The following MPP7 variants were observed in gnomAD, a reference collection of about 807,000 sequenced individuals.
MPP7 encodes MAGUK p55 subfamily member 7.
A neutral mutation model predicts 76.5 loss-of-function variants in MPP7; 60 were observed. The ratio of observed to expected loss-of-function variants is 0.78; its 90% CI spans 0.64 to 0.97. The LOEUF is 0.97. Among genes scored for constraint, MPP7 ranks in the 50% least tolerant of loss-of-function variants. MPP7 has a pLI of 0.00. For synonymous variants in MPP7, 237 were observed against 244.5 expected (o/e 0.97, Z 0.29); for missense variants, 641 against 694.0 (o/e 0.92, Z 0.86).
At chr10:28,125,651 G>C (rs1352900780) in intron 6 of MPP7, among the ~76,000 whole-genome samples, 9 of 151,894 alleles carry the variant, frequency 5.9e-5, no homozygotes, top group African/African-American at 2.2e-4. Context: ...TAAAGAAAAA[G>C]AAAAAAGTTA....
At chr10:28,171,579 C>A (rs1836682073) in intron 3 of MPP7, among the ~76,000 whole-genome samples, 1 of 152,150 alleles carries the variant, frequency 6.6e-6, no homozygotes, top group Non-Finnish European at 1.5e-5. Flanking sequence ...GCTGAGTCTT[C>A]TCTACACATT....
chr10:28,305,334 C>CA (rs1841246662), upstream of MPP7: 1 of 152,080 alleles, frequency 6.6e-6, no homozygotes, highest in African/African-American at 2.4e-5. Flanking sequence ...ACAAGGATTC[C>CA]TGACGGGCAA....
chr10:28,153,138 T>C (rs1325776076), intron 3 of MPP7, among the ~76,000 whole-genome samples: 2 of 151,876 alleles, frequency 1.3e-5, no homozygotes, highest in Non-Finnish European at 2.9e-5. Context: ...CCTATAGTCC[T>C]AGCTACTCGG....
chr10:28,190,102 G>T (rs1311284940), intron 3 of MPP7, among the ~76,000 whole-genome samples: 1 of 151,990 alleles, frequency 6.6e-6, no homozygotes. Context: ...AATGAAAAGG[G>T]CATCAATTCC....
At chr10:28,153,748 A>T (rs1003213965) in intron 3 of MPP7, among the ~76,000 whole-genome samples, 1 of 152,146 alleles carries the variant, frequency 6.6e-6, no homozygotes, top group African/African-American at 2.4e-5. Flanking sequence ...GTACCCCCCA[A>T]TGCAGTCATG....
intron 1 of MPP7, among the ~76,000 whole-genome samples, chr10:28,253,161 T>C (rs1200078503): frequency 6.6e-6 from 1 of 152,180 alleles, no homozygotes; most frequent in East Asian, 1.9e-4. Flanking sequence ...CCTCCTCGGC[T>C]TCCCAAAGTG....
intron 2 of MPP7, among the ~76,000 whole-genome samples, chr10:28,231,339 T>C (rs901074015): frequency 6.6e-6 from 1 of 151,568 alleles, no homozygotes; most frequent in African/African-American, 2.4e-5. Context: ...ATGTGAACAT[T>C]AGGAAAAGGG....
intron 5 of MPP7, among the ~76,000 whole-genome samples, chr10:28,135,610 C>T (rs1396168457): frequency 6.6e-6 from 1 of 152,108 alleles, no homozygotes; most frequent in African/African-American, 2.4e-5. Context: ...AAGGAATAAT[C>T]CCTGAAGTTT....
At chr10:28,237,360 G>C (rs73608079) in intron 2 of MPP7, among the ~76,000 whole-genome samples, 3,154 of 152,176 alleles carry the variant, frequency 0.021, 116 homozygotes, top group African/African-American at 0.069. Flanking sequence ...AATTTCCAAA[G>C]GGTCTGGCTT....
At chr10:28,164,815 G>A (rs1013745748) in intron 3 of MPP7, among the ~76,000 whole-genome samples, 1 of 152,058 alleles carries the variant, frequency 6.6e-6, no homozygotes, top group African/African-American at 2.4e-5. Context: ...AAGTGGGGCA[G>A]GGCTGAGGGA....
intron 5 of MPP7, among the ~76,000 whole-genome samples, chr10:28,144,640 C>T (rs1835646145): frequency 6.6e-6 from 1 of 152,164 alleles, no homozygotes. Flanking sequence ...ACCCCCAACC[C>T]ATCTCCCACT....
intron 1 of MPP7, among the ~76,000 whole-genome samples, chr10:28,296,945 A>G (rs1288258451): frequency 6.6e-6 from 1 of 152,210 alleles, no homozygotes; most frequent in Non-Finnish European, 1.5e-5. Context: ...TTTACATAAA[A>G]TTTAAACAAA....
intron 11 of MPP7, among the ~76,000 whole-genome samples, chr10:28,108,096 C>T (rs780214093): frequency 7.9e-5 from 12 of 152,130 alleles, no homozygotes; most frequent in South Asian, 6.2e-4. Context: ...AGACACAGTA[C>T]AAATATTCTG....
At chr10:28,142,367 C>A (rs553611280) in intron 5 of MPP7, among the ~76,000 whole-genome samples, 2 of 152,226 alleles carry the variant, frequency 1.3e-5, no homozygotes, top group Non-Finnish European at 2.9e-5. Context: ...TGCTATACAC[C>A]TGCAATTTTT....
chr10:28,065,327 T>C (rs905307003), intron 13 of MPP7, among the ~76,000 whole-genome samples: 1 of 152,178 alleles, frequency 6.6e-6, no homozygotes, highest in African/African-American at 2.4e-5. Flanking sequence ...CACTGCCACA[T>C]GCATTTAAAA....
At chr10:28,127,168 G>T (rs1274050453) in intron 6 of MPP7, among the ~76,000 whole-genome samples, 1 of 152,170 alleles carries the variant, frequency 6.6e-6, no homozygotes, top group Non-Finnish European at 1.5e-5. Context: ...TCAGTATAGG[G>T]CTATCTAACC....
intron 1 of MPP7, chr10:28,289,117 T>C (rs1840852756): frequency 6.6e-6 from 1 of 152,140 alleles, no homozygotes; most frequent in South Asian, 2.1e-4. Flanking sequence ...CTGGCCAAAA[T>C]GGTGAAACCT....
At chr10:28,289,904 C>T (rs1258211915) in intron 1 of MPP7, among the ~76,000 whole-genome samples, 7 of 152,172 alleles carry the variant, frequency 4.6e-5, no homozygotes, top group Middle Eastern at 3.2e-3. Flanking sequence ...CTGCAACCTC[C>T]GCCTCCCTGG....
chr10:28,118,237 G>C (rs1307021666), intron 11 of MPP7: 1 of 984,944 alleles, frequency 1.0e-6, no homozygotes, highest in African/African-American at 1.8e-5. Context: ...ATAGAAACCA[G>C]TTTGAAAGAG....
Sources: allele counts gnomAD v4.1 joint callset (sites outside exome capture counted in the v4.1 genomes callset), GRCh38; gene constraint gnomAD v4.1.1; transcripts MANE v1.5; gene names NCBI Gene and HGNC (gene_info 2026-07-23, HGNC 2026-07-21).